ZNF316: variants seen among roughly 807,000 people sequenced by gnomAD.
ZNF316 encodes zinc finger protein 316.
ZNF316 carries 23 observed loss-of-function variants against 75.6 expected under a neutral mutation model. The ratio of observed to expected loss-of-function variants is 0.30; its 90% confidence interval spans 0.22 to 0.43. ZNF316 has a LOEUF of 0.43. Ranked by LOEUF, ZNF316 falls within the 20% of genes least tolerant of loss-of-function variation. The probability of loss-of-function intolerance (pLI) is 1.00; values close to 1 mark genes in which losing one functional copy is unlikely to be tolerated. For missense variants in ZNF316, 1,266 were observed against 1,409.4 expected (o/e 0.90, Z 1.63); for synonymous variants, 827 against 666.2 (o/e 1.24, Z -3.72).
At chr7:6,645,209 G>T (rs1275923574) in intron 8 of ZNF316, among the ~76,000 whole-genome samples, 1 of 152,186 alleles carries the variant, frequency 6.6e-6, no homozygotes, top group Admixed American at 6.5e-5. Context: ...CTCAACTCAG[G>T]TTCCCACTGG....
At chr7:6,647,075 C>G (rs749974925) in intron 8 of ZNF316, among the ~76,000 whole-genome samples, 2 of 152,230 alleles carry the variant, frequency 1.3e-5, no homozygotes, top group Non-Finnish European at 2.9e-5. Context: ...AAGAATGTGC[C>G]TGGAGAAAAT....
At chr7:6,649,336 G>T (rs537316239) in intron 8 of ZNF316, among the ~76,000 whole-genome samples, 4 of 152,216 alleles carry the variant, frequency 2.6e-5, no homozygotes, top group Admixed American at 1.3e-4. Flanking sequence ...GGAAGCAGGT[G>T]TGTTGGGTAC....
At chr7:6,652,231 G>C (rs1287099036) in intron 8 of ZNF316, 72 bp from the exon 9 acceptor site, 8 of 1,227,052 alleles carry the variant, frequency 6.5e-6, no homozygotes, top group African/African-American at 1.6e-5. Context: ...GATTTCTCGG[G>C]ACAGGAACCT....
At chr7:6,644,066 C>T (rs73061333) in intron 7 of ZNF316, 118 bp downstream of exon 7, 36,865 of 1,106,438 alleles carry the variant, frequency 0.033, 733 homozygotes, top group Non-Finnish European at 0.039. Flanking sequence ...GATGCTGGGC[C>T]CAGCCCACCT....
Position 6,644,230 on chromosome 7 carries a change from C to T in ZNF316, c.593-250C>T, listed in dbSNP as rs550083410. 6.0e-5 allele frequency among the ~76,000 whole-genome samples: 9 copies of T among 149,724 alleles called. No individual in the cohort carries two copies. The East Asian group carries it at 9.9e-4, about 16-fold the overall frequency. Reference sequence around the variant, plus strand: ...AAGCCTCCAGGGGTGAGGCGGAAGGCGAGGGAGGAGGAGGGTTGTGGGCAT... The same window carrying T: ...AAGCCTCCAGGGGTGAGGCGGAAGGTGAGGGAGGAGGAGGGTTGTGGGCAT... On this transcript the variant is annotated intron_variant, in intron 7 of 8. Transcript: ENST00000382252.
At chr7:6,651,732 C>T (rs533920711) in intron 8 of ZNF316, among the ~76,000 whole-genome samples, 2 of 152,322 alleles carry the variant, frequency 1.3e-5, no homozygotes, top group Non-Finnish European at 2.9e-5. Context: ...CACTGCACTC[C>T]AGCCTGGGTG....
At chr7:6,643,167 G>T (rs1047575832) in intron 6 of ZNF316, 94 bp downstream of exon 6, 1 of 1,228,060 alleles carries the variant, frequency 8.1e-7, no homozygotes, top group East Asian at 3.2e-5. Context: ...TGTTGGCAGC[G>T]GCCATGGCAC....
In ZNF316 at chr7:6,639,301, C is replaced by A. The variant is rs1191178008; in HGVS notation, c.-167+160C>A. 6.6e-6 allele frequency among the ~76,000 whole-genome samples: 1 copy of A among 152,180 alleles called. No homozygotes were observed. The highest frequency in any genetic ancestry group is 1.5e-5 in the Non-Finnish European group (1 of 68,034). ...CATTCTTTTAGTAAGTATTTGAATG[C>A]TTCTTAAGTGCTGGTGTGAGGGGTA... On this transcript the variant is annotated intron_variant, in intron 3 of 8. Transcript: ENST00000382252. The surrounding 1 kb of genome is among the most constrained non-coding windows in gnomAD (Gnocchi z 4.2).
At position 6,655,208 on chromosome 7, in the gene ZNF316, C is replaced by T. The variant is rs1779598971; in HGVS notation, c.*597C>T. Reference sequence around the variant, plus strand: ...AGTGGGAAAACTTGAAACTTGTCGTCTGCGGATATTTATTTCCACTTCTTG... The same window carrying T: ...AGTGGGAAAACTTGAAACTTGTCGTTTGCGGATATTTATTTCCACTTCTTG... On this transcript the variant is annotated 3_prime_UTR_variant, in exon 9 of 9. Transcript: ENST00000382252. 1 of 152,260 alleles carries T rather than the reference C, an allele frequency of 6.6e-6. No individual in the cohort carries two copies. Among genetic ancestry groups the T allele is most frequent in the South Asian group, 2.1e-4 (1 of 4,838 alleles). 9.4% of individuals were successfully genotyped at this position (152,260 alleles called of 1,614,324 possible). A position where few individuals can be genotyped will look rare whatever the true frequency, so the allele number is the denominator to read the frequency against.
rs28399923 is a variant in ZNF316, at chr7:6,647,427, C to T, written c.706+2834C>T. 5.0e-3 allele frequency among the ~76,000 whole-genome samples: 763 copies of T among 152,350 alleles called. 6 individuals are homozygous for T. Among genetic ancestry groups the T allele is most frequent in the African/African-American group, 0.018 (728 of 41,588 alleles). On this transcript the variant is annotated intron_variant, in intron 8 of 8. Coordinates refer to ENST00000382252, the MANE Select transcript of ZNF316 (RefSeq NM_001278559.2). ...TGCTGCTAATGCCTATGGACTTGGG[C>T]GTGTCACCCTTGTCCTCCACCTCCT...
At position 6,652,889 on chromosome 7, in the gene ZNF316, C is replaced by A; in HGVS notation, c.1293C>A (p.Cys431Ter). Residue 431 changes from cysteine (C) to a stop codon, truncating the protein, a stop_gained, in exon 9 of 9, where the codon TGC becomes TGA. Coordinates refer to ENST00000382252, the MANE Select transcript of ZNF316 (RefSeq NM_001278559.2). LOFTEE classifies it high-confidence loss of function. ...RIHTGERPYR[C>*]AFCGAGFGRR... is the part of the protein sequence containing the mutation. ...ATACTGGCGAGCGGCCCTACCGCTG[C>A]GCCTTCTGCGGCGCGGGCTTCGGGC... 1 of 1,241,426 alleles carries A rather than the reference C, an allele frequency of 8.1e-7. No individual in the cohort carries two copies. The allele number at this position is 1,241,426 out of a possible 1,614,324, so 76.9% of individuals were successfully genotyped here.
In ZNF316 at chr7:6,653,245, AGGCCGC is replaced by A. The variant is rs1198758114; in HGVS notation, c.1655_1660del (p.Ala552_Ala553del). 5.2e-5 allele frequency: 64 copies of A among 1,226,200 alleles called. No individual in the cohort carries two copies. Among genetic ancestry groups the A allele is most frequent in the Non-Finnish European group, 6.3e-5 (62 of 984,924 alleles). 76.0% of individuals were successfully genotyped at this position (1,226,200 alleles called of 1,614,324 possible). A position where few individuals can be genotyped will look rare whatever the true frequency, so the allele number is the denominator to read the frequency against. ...GTTGGCGAGGCGGACGGAGAGGCGGAGGCCGCGGCCGAGGAGAGAGAGGAGGCGGCG... is the reference window on the plus strand; with the variant it reads ...GTTGGCGAGGCGGACGGAGAGGCGGAGGCCGAGGAGAGAGAGGAGGCGGCG... On this transcript the variant is annotated inframe_deletion, in exon 9 of 9. Transcript: ENST00000382252.
intron 8 of ZNF316, among the ~76,000 whole-genome samples, chr7:6,647,244 CAGAG>C (rs1779422438): frequency 6.6e-6 from 1 of 152,154 alleles, no homozygotes; most frequent in Non-Finnish European, 1.5e-5. Flanking sequence ...TGCCTGTCCT[CAGAG>C]AGGCCCCTCC....
At position 6,656,703 on chromosome 7, in the gene ZNF316, T is replaced by G. The variant is rs940874; in HGVS notation, c.*2092T>G. ...GACTTGGGGCATTACTTTTTGTGAA[T>G]ATGTTGGCCAGGCTTCCAGAGGCCA... On this transcript the variant is annotated 3_prime_UTR_variant, in exon 9 of 9. Transcript: ENST00000382252. Among the ~76,000 whole-genome samples the G allele has an allele frequency of 0.6, 91,845 of 151,908 alleles. 28,798 individuals are homozygous for G. Among genetic ancestry groups the G allele is most frequent in the East Asian group, 0.94 (4,822 of 5,110 alleles).
chr7:6,643,752 T>G (rs774781173), intron 6 of ZNF316, 70 bp from the exon 7 acceptor site: 16 of 1,222,156 alleles, frequency 1.3e-5, no homozygotes, highest in Non-Finnish European at 1.5e-5. Flanking sequence ...AGAGCCTCAG[T>G]GGCCTCAATC....
At chr7:6,641,614 G>A (rs1779313350) in intron 3 of ZNF316, among the ~76,000 whole-genome samples, 1 of 152,260 alleles carries the variant, frequency 6.6e-6, no homozygotes, top group Non-Finnish European at 1.5e-5. Context: ...GTCAGTGAGA[G>A]AGTAGGACGC....
Position 6,642,795 on chromosome 7 carries a change from A to G in ZNF316, c.355+31A>G. 8.1e-7 allele frequency: 1 copy of G among 1,233,178 alleles called. No individual in the cohort carries two copies. Among genetic ancestry groups the G allele is most frequent in the African/African-American group, 1.6e-5 (1 of 64,496 alleles). The allele number at this position is 1,233,178 out of a possible 1,614,324, so 76.4% of individuals were successfully genotyped here. A position where few individuals can be genotyped will look rare whatever the true frequency, so the allele number is the denominator to read the frequency against. On this transcript the variant is annotated intron_variant, in intron 5 of 8. Coordinates refer to ENST00000382252, the MANE Select transcript of ZNF316 (RefSeq NM_001278559.2). This position sits in a 1 kb window ranked among gnomAD's most constrained non-coding sequence, Gnocchi z 8.1. ...AAAAGCAGCCAGCCTTGGGGAGGAG[A>G]TGAAGGGGGCTGAGGTGGGCCAGGC...
In ZNF316 at chr7:6,649,972, C is replaced by T. The variant is rs141010672; in HGVS notation, c.707-2331C>T. The stretch of plus-strand genomic sequence containing the variant: ...CAGCTGAGACTTCTGTGGGCAAGGC[C>T]GCCCTTGGCCTGGGAGTCCAGTTCT... On this transcript the variant is annotated intron_variant, in intron 8 of 8. Coordinates refer to ENST00000382252, the MANE Select transcript of ZNF316 (RefSeq NM_001278559.2). 4.0e-4 allele frequency among the ~76,000 whole-genome samples: 61 copies of T among 152,212 alleles called. 1 individual carries two copies. The highest frequency in any genetic ancestry group is 3.1e-3 in the East Asian group (16 of 5,150).
At chr7:6,647,842 A>G (rs938499680) in intron 8 of ZNF316, among the ~76,000 whole-genome samples, 2 of 152,184 alleles carry the variant, frequency 1.3e-5, no homozygotes, top group South Asian at 2.1e-4. Flanking sequence ...GTCCCGTGGC[A>G]GGTTGGGACC....
Sources: gnomAD v4.1 joint callset for allele counts (sites outside exome capture counted in the v4.1 genomes callset) on GRCh38, gnomAD v4.1.1 for gene constraint, Gnocchi (gnomAD v3.1) non-coding constraint, MANE v1.5 for transcripts, NCBI Gene and HGNC (gene_info 2026-07-23, HGNC 2026-07-21) for gene names.